Variants in REC114 observed in about 807,000 individuals in gnomAD.
The protein encoded by REC114 is meiotic recombination protein REC114.
REC114 carries 27 observed loss-of-function variants against 31.3 expected under a neutral mutation model. The ratio of observed to expected loss-of-function variants is 0.86; its 90% confidence interval spans 0.64 to 1.19. The LOEUF (loss-of-function observed/expected upper bound fraction) is 1.19, where lower values mean the gene tolerates loss of function less well. REC114 is among the 50% of genes most tolerant of loss of function. REC114 has a pLI of 0.00. For synonymous variants in REC114, 134 were observed against 127.7 expected, an observed-to-expected ratio of 1.05 and a Z score of -0.33; for missense variants, 344 against 326.9, an observed-to-expected ratio of 1.05 and a Z score of -0.40.
rs761947800 is a variant in REC114, at chr15:73,551,150, AG to A, written c.546+1del. On this transcript the variant is annotated splice_donor_variant, in intron 4 of 5. Transcript: ENST00000331090. LOFTEE classifies it high-confidence loss of function. ...CAAAGAGTGTCCCACGGCAGCCTGGAGTAAGTAGGCTGATGTGTTGGTTATA... is the reference window on the plus strand; with the variant it reads ...CAAAGAGTGTCCCACGGCAGCCTGGATAAGTAGGCTGATGTGTTGGTTATA... 1.3e-6 allele frequency: 2 copies of A among 1,597,958 alleles called. No homozygotes were observed.
chr15:73,553,733 T>C (rs1251143467), intron 4 of REC114, among the ~76,000 whole-genome samples: 1 of 152,202 alleles, frequency 6.6e-6, no homozygotes, highest in Non-Finnish European at 1.5e-5. Context: ...TAAAGACTGG[T>C]CCCAAATGTC....
chr15:73,447,888 G>C (rs889939824), intron 1 of REC114, among the ~76,000 whole-genome samples: 4 of 152,036 alleles, frequency 2.6e-5, no homozygotes, highest in Non-Finnish European at 5.9e-5. Context: ...GAAGTACAAG[G>C]GTTGGGGAAT....
chr15:73,457,941 G>C (rs571526367), intron 1 of REC114, among the ~76,000 whole-genome samples: 1 of 152,334 alleles, frequency 6.6e-6, no homozygotes, highest in South Asian at 2.1e-4. Context: ...AGGATTACAA[G>C]GATAGGTGGG....
intron 2 of REC114, among the ~76,000 whole-genome samples, chr15:73,504,268 G>A (rs995865229): frequency 3.9e-5 from 6 of 151,968 alleles, no homozygotes; most frequent in African/African-American, 1.5e-4. Flanking sequence ...CTCCCAAAGT[G>A]CTGGGATTAC....
chr15:73,485,209 G>A (rs1046444863), intron 2 of REC114, among the ~76,000 whole-genome samples: 5 of 152,024 alleles, frequency 3.3e-5, no homozygotes, highest in African/African-American at 1.2e-4. Context: ...TCAGCCTCCC[G>A]AGTAGCTGGG....
intron 3 of REC114, among the ~76,000 whole-genome samples, chr15:73,540,773 C>CTCTGATGGATTTCTCAGTATGCG (rs1329797306): frequency 6.6e-6 from 1 of 152,120 alleles, no homozygotes; most frequent in Non-Finnish European, 1.5e-5. Flanking sequence ...AGGAGTCAGG[C>CTCTGATGGATTTCTCAGTATGCG]TCTGATGGAT....
intron 3 of REC114, among the ~76,000 whole-genome samples, chr15:73,547,164 T>C (rs996758078): frequency 6.6e-6 from 1 of 152,092 alleles, no homozygotes; most frequent in African/African-American, 2.4e-5. Flanking sequence ...AAGGGATTAG[T>C]AACCAGAATG....
chr15:73,558,354 C>G (rs1894505373), intron 5 of REC114, among the ~76,000 whole-genome samples: 1 of 152,158 alleles, frequency 6.6e-6, no homozygotes, highest in African/African-American at 2.4e-5. Flanking sequence ...GTCAATGCAC[C>G]AAAGTAAGTG....
At chr15:73,548,515 C>A (rs979875619) in intron 3 of REC114, among the ~76,000 whole-genome samples, 3 of 152,230 alleles carry the variant, frequency 2.0e-5, no homozygotes, top group South Asian at 2.1e-4. Flanking sequence ...CAGTGAGATA[C>A]CATCTCATAC....
At position 73,559,971 on chromosome 15, in the gene REC114, C is replaced by CCTAAAATTAAAGAAGATATTA. The variant is rs1218585144; in HGVS notation, c.*56_*76dup. 89 of 1,431,926 alleles carry CCTAAAATTAAAGAAGATATTA rather than the reference C, an allele frequency of 6.2e-5. No homozygotes were observed. The East Asian group carries it at 8.4e-4, about 13-fold the overall frequency. 88.7% of individuals were successfully genotyped at this position (1,431,926 alleles called of 1,614,324 possible). On this transcript the variant is annotated 3_prime_UTR_variant, in exon 6 of 6. Coordinates refer to ENST00000331090, the MANE Select transcript of REC114 (RefSeq NM_001042367.2). ...TTCAAAGTATTGAAAAATGCTTCCT[C>CCTAAAATTAAAGAAGATATTA]CTAAAATTAAAGAAGATATTAGAAT...
At chr15:73,519,079 G>A (rs769513257) in intron 2 of REC114, among the ~76,000 whole-genome samples, 1 of 152,112 alleles carries the variant, frequency 6.6e-6, no homozygotes, top group East Asian at 1.9e-4. Flanking sequence ...CAACAAACAA[G>A]CGAAACAGAA....
chr15:73,532,009 G>C (rs1184897881), intron 2 of REC114, among the ~76,000 whole-genome samples: 3 of 137,824 alleles, frequency 2.2e-5, no homozygotes, highest in Admixed American at 1.5e-4. Context: ...AATACTTTAA[G>C]TTTTAGGGTA....
intron 1 of REC114, 88 bp from the exon 2 acceptor site, chr15:73,473,744 G>A: frequency 1.4e-6 from 1 of 711,596 alleles, no homozygotes. Flanking sequence ...AGATCAATAT[G>A]AGAAAACACT....
At chr15:73,468,655 C>T (rs1231223245) in intron 1 of REC114, among the ~76,000 whole-genome samples, 2 of 148,522 alleles carry the variant, frequency 1.3e-5, no homozygotes, top group East Asian at 2.0e-4. Flanking sequence ...AGGGAGAAAG[C>T]TTTCAGTATG....
intron 1 of REC114, among the ~76,000 whole-genome samples, chr15:73,461,927 T>G (rs184744473): frequency 9.1e-6 from 1 of 110,132 alleles, no homozygotes; most frequent in Non-Finnish European, 1.8e-5. Flanking sequence ...CTTTTCTTTT[T>G]TTTTTTTTTT....
intron 2 of REC114, among the ~76,000 whole-genome samples, chr15:73,531,816 T>C (rs991313782): frequency 6.6e-6 from 1 of 152,100 alleles, no homozygotes; most frequent in African/African-American, 2.4e-5. Flanking sequence ...ACAGCCCTTA[T>C]TTCTACTCCA....
intron 2 of REC114, among the ~76,000 whole-genome samples, chr15:73,507,608 GTATTAAA>G (rs1258953832): frequency 2.0e-5 from 3 of 152,018 alleles, no homozygotes; most frequent in Non-Finnish European, 2.9e-5. Context: ...CTGTACATAT[GTATTAAA>G]TATTAAATAG....
At chr15:73,473,338 GAGATCAC>G (rs529132513) in intron 1 of REC114, among the ~76,000 whole-genome samples, 46 of 150,806 alleles carry the variant, frequency 3.1e-4, no homozygotes, top group Non-Finnish European at 5.5e-4. Flanking sequence ...GCTGTGAGCC[GAGATCAC>G]ACCATTGCAC....
chr15:73,461,995 G>A (rs911360307), intron 1 of REC114, among the ~76,000 whole-genome samples: 5 of 140,938 alleles, frequency 3.5e-5, no homozygotes, highest in African/African-American at 5.4e-5. Context: ...GCGGTGGTGC[G>A]ATCTCGGCTC....
Sources: gnomAD v4.1 joint callset for allele counts (sites outside exome capture counted in the v4.1 genomes callset) on GRCh38, gnomAD v4.1.1 for gene constraint, MANE v1.5 for transcripts, NCBI Gene and HGNC (gene_info 2026-07-23, HGNC 2026-07-21) for gene names.